The following CAST variants were observed in gnomAD, a reference collection of about 807,000 sequenced individuals.
The protein encoded by CAST is calpastatin.
A neutral mutation model predicts 119.6 loss-of-function variants in CAST; 76 were observed. The ratio of observed to expected loss-of-function variants is 0.64; its 90% confidence interval spans 0.53 to 0.77. The LOEUF (loss-of-function observed/expected upper bound fraction) is 0.77, where lower values mean the gene tolerates loss of function less well. Ranked by LOEUF, CAST falls within the 30% of genes least tolerant of loss-of-function variation. The pLI is 0.00. For missense variants in CAST, 953 were observed against 946.5 expected, an observed-to-expected ratio of 1.01 and a Z score of -0.09; for synonymous variants, 319 against 331.6, an observed-to-expected ratio of 0.96 and a Z score of 0.41.
the CAST span, among the ~76,000 whole-genome samples, chr5:96,487,524 G>C: frequency 6.6e-6 from 1 of 152,150 alleles, no homozygotes; most frequent in South Asian, 2.1e-4. Context: ...GGGTTAAAGT[G>C]AGTTGGTCCA....
the CAST span, among the ~76,000 whole-genome samples, chr5:96,294,531 T>C: frequency 1.2e-4 from 18 of 152,230 alleles, no homozygotes; most frequent in Non-Finnish European, 2.9e-5. Context: ...AAGAAACACA[T>C]GTTGTGTAGA....
At position 96,757,489 on chromosome 5, in the gene CAST, C is replaced by T. The variant is rs1361240819; in HGVS notation, c.1756C>T (p.Leu586Phe). 2 of 1,614,062 alleles carry T rather than the reference C, an allele frequency of 1.2e-6. No individual in the cohort carries two copies. The highest frequency in any genetic ancestry group is 1.7e-5 in the Admixed American group (1 of 60,022). The change falls in exon 23 of 32, where the codon CTT becomes TTT. Residue 586 changes from leucine (L) to phenylalanine (F), a missense_variant. Transcript: ENST00000675179. ...CCTGCCAAAAGAGTCTAAGGAACAG[C>T]TTCCAGTAAGCAAACCAGTTTTCTC... ...PLLPKESKEQ[L>F]PPMSEDFLLD...
chr5:96,132,180 G>A, the CAST span, among the ~76,000 whole-genome samples: 4 of 152,020 alleles, frequency 2.6e-5, no homozygotes, highest in African/African-American at 9.7e-5. Flanking sequence ...TTTGACAGAA[G>A]GGAGGGAGGG....
chr5:96,239,747 A>G, the CAST span, among the ~76,000 whole-genome samples: 1 of 151,658 alleles, frequency 6.6e-6, no homozygotes, highest in African/African-American at 2.4e-5. Flanking sequence ...TTATAATATT[A>G]TTTCTCTCAT....
chr5:96,338,796 T>C, the CAST span, among the ~76,000 whole-genome samples: 1 of 152,184 alleles, frequency 6.6e-6, no homozygotes, highest in Admixed American at 6.5e-5. Context: ...TGGTTGTTTG[T>C]GCTCTAGAGA....
At chr5:96,355,026 T>A in the CAST span, among the ~76,000 whole-genome samples, 4 of 152,230 alleles carry the variant, frequency 2.6e-5, no homozygotes, top group Admixed American at 6.5e-5. Flanking sequence ...TTCTTTTTTT[T>A]ATATAGTTTA....
At chr5:96,542,227 G>A (rs563104563) in intron 1 of CAST, among the ~76,000 whole-genome samples, 19 of 151,818 alleles carry the variant, frequency 1.3e-4, no homozygotes, top group Admixed American at 7.9e-4. Flanking sequence ...GAAGAATGGC[G>A]TGAACCCCGG....
chr5:96,209,956 G>A, the CAST span, among the ~76,000 whole-genome samples: 1 of 151,334 alleles, frequency 6.6e-6, no homozygotes, highest in African/African-American at 2.4e-5. Flanking sequence ...TCTCTTTCAG[G>A]GATGCCAATG....
the CAST span, among the ~76,000 whole-genome samples, chr5:96,051,900 G>A: frequency 7.9e-5 from 12 of 152,212 alleles, no homozygotes; most frequent in African/African-American, 2.9e-4. Context: ...CAAAAGGATT[G>A]AGTAAAAATC....
the CAST span, among the ~76,000 whole-genome samples, chr5:96,245,577 T>G: frequency 6.6e-6 from 1 of 151,914 alleles, no homozygotes; most frequent in South Asian, 2.1e-4. Context: ...CAGAAGAAAT[T>G]TTCTGTGTGT....
At chr5:96,492,659 T>C in the CAST span, among the ~76,000 whole-genome samples, 1 of 152,200 alleles carries the variant, frequency 6.6e-6, no homozygotes, top group Non-Finnish European at 1.5e-5. Context: ...TCAAGACACC[T>C]ACCAGCCAAT....
chr5:96,068,258 G>C, the CAST span, among the ~76,000 whole-genome samples: 2 of 152,220 alleles, frequency 1.3e-5, no homozygotes, highest in African/African-American at 2.4e-5. Flanking sequence ...GTCTCTTAGA[G>C]ATCTAGCCAA....
the CAST span, chr5:96,432,240 C>A: frequency 2.2e-6 from 2 of 925,100 alleles, no homozygotes; most frequent in South Asian, 1.6e-5. Flanking sequence ...GATAGATGGT[C>A]CCGTGTCTTT....
the CAST span, among the ~76,000 whole-genome samples, chr5:96,176,495 C>T: frequency 6.6e-6 from 1 of 152,106 alleles, no homozygotes; most frequent in Non-Finnish European, 1.5e-5. Context: ...AGGTAGATAG[C>T]AAACTAAGAA....
rs1408799423 is a variant in CAST, at chr5:96,765,246, C to G, written c.1958C>G (p.Ala653Gly). The G allele has an allele frequency of 6.2e-7, 1 of 1,603,730 alleles. No individual in the cohort carries two copies. The highest frequency in any genetic ancestry group is 1.4e-5 in the African/African-American group (1 of 73,730). ...CAGAGTGACAAAGACCTCGATGATG[C>G]CTTGGATAAACTCTCTGACAGTCTA... ...TSQSDKDLDD[A>G]LDKLSDSLGQ... The change falls in exon 26 of 32, where the codon GCC (alanine) becomes GGC (glycine). Residue 653 changes from alanine (A) to glycine (G), a missense_variant. Physicochemically the swap from Ala to Gly is moderately conservative, Grantham distance 60. Coordinates refer to ENST00000675179, the MANE Select transcript of CAST (RefSeq NM_001750.7).
the CAST span, among the ~76,000 whole-genome samples, chr5:95,997,281 A>C: frequency 6.6e-6 from 1 of 152,104 alleles, no homozygotes; most frequent in Admixed American, 6.5e-5. Context: ...CTAGAACTTT[A>C]ATGCTTGGGT....
At chr5:96,656,944 T>TTA (rs1554072793) in intron 1 of CAST, among the ~76,000 whole-genome samples, 1 of 150,766 alleles carries the variant, frequency 6.6e-6, no homozygotes, top group African/African-American at 2.4e-5. Context: ...TTTTCTTAAT[T>TTA]AAAAAAAAAC....
At chr5:96,152,277 G>C in the CAST span, among the ~76,000 whole-genome samples, 5 of 152,210 alleles carry the variant, frequency 3.3e-5, no homozygotes, top group African/African-American at 1.2e-4. Flanking sequence ...AGAGCAAAAA[G>C]ATGAACTGGT....
intron 1 of CAST, among the ~76,000 whole-genome samples, chr5:96,631,762 G>A (rs1315777164): frequency 2.0e-5 from 3 of 151,994 alleles, no homozygotes; most frequent in East Asian, 1.9e-4. Context: ...TCGATATCCC[G>A]ACCTCGTGAT....
Sources: gnomAD v4.1 joint callset for allele counts (sites outside exome capture counted in the v4.1 genomes callset) on GRCh38, gnomAD v4.1.1 for gene constraint, MANE v1.5 for transcripts, NCBI Gene and HGNC (gene_info 2026-07-23, HGNC 2026-07-21) for gene names.